The following COL25A1 variants were observed in gnomAD, a reference collection of about 807,000 sequenced individuals.
COL25A1 encodes collagen type XXV alpha 1 chain, also known as collagen alpha-1(XXV) chain.
In COL25A1, 103 loss-of-function variants were observed where a neutral mutation model predicts 128.4. That is an observed-to-expected ratio of 0.80 (90% CI 0.68 to 0.94). The LOEUF (loss-of-function observed/expected upper bound fraction) is 0.94, where lower values mean the gene tolerates loss of function less well. Among genes scored for constraint, COL25A1 ranks in the 40% least tolerant of loss-of-function variants. The probability of loss-of-function intolerance (pLI) is 0.00; values close to 1 mark genes in which losing one functional copy is unlikely to be tolerated. For missense variants in COL25A1, 745 were observed against 840.0 expected, an observed-to-expected ratio of 0.89 and a Z score of 1.40; for synonymous variants, 279 against 277.2, an observed-to-expected ratio of 1.01 and a Z score of -0.06.
intron 15 of COL25A1, among the ~76,000 whole-genome samples, chr4:108,897,216 G>A (rs1180946625): frequency 5.9e-5 from 9 of 152,050 alleles, no homozygotes; most frequent in Non-Finnish European, 1.3e-4. Flanking sequence ...CAAAACCTGT[G>A]GACTGAATAT....
In COL25A1 at chr4:108,840,361, C is replaced by T. The variant is rs903301297; in HGVS notation, c.1656+1334G>A. On this transcript the variant is annotated intron_variant, in intron 31 of 37. Coordinates refer to ENST00000399132, the MANE Select transcript of COL25A1 (RefSeq NM_198721.4). ...ACAAAGCTGATAGATGGGGCTCTCT[C>T]TTCTGACCCCCCCTCCCAGATAGTA... is the stretch of plus-strand genomic sequence containing the variant. Among the ~76,000 whole-genome samples, 4 of 152,076 alleles carry T rather than the reference C, an allele frequency of 2.6e-5. No individual in the cohort carries two copies. The South Asian group carries it at 6.2e-4, about 24-fold the overall frequency.
chr4:109,084,476 A>G (rs1421408703), intron 3 of COL25A1, among the ~76,000 whole-genome samples: 26 of 152,222 alleles, frequency 1.7e-4, no homozygotes, highest in Admixed American at 1.7e-3. Flanking sequence ...TTTCACTGCA[A>G]ATTCACAAAA....
At chr4:108,814,399 C>T (rs1731058419) in intron 37 of COL25A1, among the ~76,000 whole-genome samples, 1 of 152,190 alleles carries the variant, frequency 6.6e-6, no homozygotes, top group Admixed American at 6.6e-5. Flanking sequence ...CTCTAATCCT[C>T]TATCTTCAGT....
intron 8 of COL25A1, among the ~76,000 whole-genome samples, 188 bp from the exon 9 acceptor site, chr4:108,941,625 G>C (rs935845998): frequency 2.0e-5 from 3 of 152,178 alleles, no homozygotes; most frequent in African/African-American, 7.2e-5. Context: ...ATATAATCCT[G>C]AAATGGGATG....
intron 3 of COL25A1, among the ~76,000 whole-genome samples, chr4:109,093,998 T>C (rs1765185006): frequency 6.6e-6 from 1 of 152,156 alleles, no homozygotes; most frequent in African/African-American, 2.4e-5. Flanking sequence ...TGTTTATTAA[T>C]ATTATATGAC....
chr4:108,852,169 G>T, intron 26 of COL25A1, 67 bp downstream of exon 26: 1 of 1,181,550 alleles, frequency 8.5e-7, no homozygotes, highest in Non-Finnish European at 1.2e-6. Context: ...TTTCAAAGAT[G>T]CATATACTTA....
At chr4:109,090,615 G>A (rs1023657224) in intron 3 of COL25A1, among the ~76,000 whole-genome samples, 4 of 152,284 alleles carry the variant, frequency 2.6e-5, no homozygotes, top group South Asian at 2.1e-4. Flanking sequence ...CAATATACTT[G>A]TAAATGAGTG....
Position 109,244,770 on chromosome 4 carries a change from G to A in COL25A1, c.367+55813C>T, listed in dbSNP as rs549301411. Among the ~76,000 whole-genome samples the A allele has an allele frequency of 4.6e-5, 7 of 152,156 alleles. 1 individual carries two copies. The highest frequency in any genetic ancestry group is 3.9e-4 in the East Asian group (2 of 5,184). ...TTAAAATTAAGTGTCTGGGTAGTGC[G>A]TTGCCTCACAGAATATTTGATGAAG... On this transcript the variant is annotated intron_variant, in intron 3 of 37. Transcript: ENST00000399132.
At chr4:108,819,706 T>C (rs1731592427) in intron 35 of COL25A1, 1 of 483,896 alleles carries the variant, frequency 2.1e-6, no homozygotes, top group Admixed American at 4.1e-5. Flanking sequence ...CCATGTTAAA[T>C]GAGCCCAATC....
At chr4:108,816,285 C>T (rs373393255) in intron 37 of COL25A1, among the ~76,000 whole-genome samples, 5 of 152,226 alleles carry the variant, frequency 3.3e-5, no homozygotes, top group Non-Finnish European at 7.4e-5. Flanking sequence ...ATTTTCTCAC[C>T]AATGGAGTTG....
intron 37 of COL25A1, among the ~76,000 whole-genome samples, chr4:108,815,681 T>C (rs902366061): frequency 6.6e-6 from 1 of 152,180 alleles, no homozygotes; most frequent in Non-Finnish European, 1.5e-5. Context: ...TCTAATCGTA[T>C]TCATATTACT....
chr4:109,296,727 G>C (rs766935160), intron 3 of COL25A1, among the ~76,000 whole-genome samples: 2 of 151,986 alleles, frequency 1.3e-5, no homozygotes, highest in African/African-American at 2.4e-5. Context: ...TCTTTATTCC[G>C]CATCCACATT....
chr4:109,163,351 C>G (rs552395775), intron 3 of COL25A1, among the ~76,000 whole-genome samples: 39 of 152,272 alleles, frequency 2.6e-4, no homozygotes, highest in African/African-American at 9.1e-4. Flanking sequence ...GTTCATCTGC[C>G]CAAAATTGTT....
At chr4:109,001,272 C>T (rs772272559) in intron 6 of COL25A1, among the ~76,000 whole-genome samples, 5 of 83,038 alleles carry the variant, frequency 6.0e-5, no homozygotes, top group Non-Finnish European at 1.4e-4. Flanking sequence ...GCTAACTACT[C>T]ACTTTCCTGA....
chr4:108,946,089 TCA>T (rs1317354763), intron 8 of COL25A1, among the ~76,000 whole-genome samples: 1 of 152,180 alleles, frequency 6.6e-6, no homozygotes, highest in Non-Finnish European at 1.5e-5. Flanking sequence ...GCATAAAGCC[TCA>T]GACAGCTTCA....
At chr4:109,155,325 C>A (rs1325716731) in intron 3 of COL25A1, among the ~76,000 whole-genome samples, 3 of 152,178 alleles carry the variant, frequency 2.0e-5, no homozygotes, top group African/African-American at 7.2e-5. Flanking sequence ...GCAATACATA[C>A]TTTGGTCTCC....
At chr4:109,269,470 A>G (rs1782040884) in intron 3 of COL25A1, among the ~76,000 whole-genome samples, 2 of 146,910 alleles carry the variant, frequency 1.4e-5, no homozygotes, top group Admixed American at 1.4e-4. Flanking sequence ...GCTGGGTCAA[A>G]TGGTATTTCT....
At chr4:109,226,825 A>C (rs1778833538) in intron 3 of COL25A1, among the ~76,000 whole-genome samples, 1 of 152,158 alleles carries the variant, frequency 6.6e-6, no homozygotes, top group African/African-American at 2.4e-5. Flanking sequence ...AAAATAGGCA[A>C]TAATAATATT....
intron 3 of COL25A1, among the ~76,000 whole-genome samples, chr4:109,143,501 T>C (rs944361257): frequency 2.6e-5 from 4 of 152,204 alleles, no homozygotes; most frequent in African/African-American, 9.7e-5. Context: ...AAAGAGTGTC[T>C]TCCAACTTGA....
Sources: allele counts gnomAD v4.1 joint callset (sites outside exome capture counted in the v4.1 genomes callset), GRCh38; gene constraint gnomAD v4.1.1; transcripts MANE v1.5; gene names NCBI Gene and HGNC (gene_info 2026-07-23, HGNC 2026-07-21).